Variants in GCN1 observed in about 807,000 individuals in gnomAD.
GCN1 encodes the protein GCN1 activator of EIF2AK4.
GCN1 carries 90 observed loss-of-function variants against 288.4 expected under a neutral mutation model. The observed-to-expected ratio is 0.31, with a 90% CI of 0.26 to 0.37. The LOEUF is 0.37. GCN1 is among the 10% of genes least tolerant of loss of function. The pLI is 1.00. For synonymous variants in GCN1, 1,386 were observed against 1,420.2 expected (o/e 0.98, Z 0.54); for missense variants, 2,586 against 3,419.9 (o/e 0.76, Z 6.08).
chr12:120,155,757 T>C lies in GCN1; in HGVS notation c.3313-38A>G. The C allele has an allele frequency of 6.2e-7, 1 of 1,610,926 alleles. No homozygotes were observed. Among genetic ancestry groups the C allele is most frequent in the Non-Finnish European group, 8.5e-7 (1 of 1,178,096 alleles). The stretch of plus-strand genomic sequence containing the variant: ...GGATTGGACCGTGTGAGGCATCATC[T>C]TTCAGAAGAGCCTCTGACCTGCCTC... On this transcript the variant is annotated intron_variant, in intron 28 of 57. Transcript: ENST00000300648. The surrounding 1 kb of genome is among the most constrained non-coding windows in gnomAD (Gnocchi z 4.9).
rs375233172 is a variant in GCN1, at chr12:120,142,634, C to T, written c.5702G>A (p.Arg1901Gln). The change falls in exon 44 of 58, where the codon CGG (arginine) becomes CAG (glutamine). Residue 1901 changes from arginine to glutamine, a missense_variant. Coordinates refer to ENST00000300648, the MANE Select transcript of GCN1 (RefSeq NM_006836.2). This position sits in a 1 kb window ranked among gnomAD's most constrained non-coding sequence, Gnocchi z 4.9. ...MGRSDTQLVV[R>Q]QASLHVWKIV... ...CTTCCAGACATGCAGGGACGCCTGC[C>T]GCACCACCAGCTGGGTGTCTGAGCG... 7.4e-6 allele frequency: 12 copies of T among 1,613,754 alleles called. No homozygotes were observed. Among genetic ancestry groups the T allele is most frequent in the African/African-American group, 5.3e-5 (4 of 74,932 alleles).
At chr12:120,184,395 T>C in intron 3 of GCN1, 152 bp from the exon 4 acceptor site, 1 of 672,628 alleles carries the variant, frequency 1.5e-6, no homozygotes, top group Non-Finnish European at 2.5e-6. Context: ...AATAACTAGA[T>C]AAACTCACCT....
chr12:120,149,868 G>C, intron 35 of GCN1, 54 bp downstream of exon 35: 1 of 1,609,388 alleles, frequency 6.2e-7, no homozygotes, highest in Non-Finnish European at 8.5e-7. Context: ...ACACAGCTGG[G>C]AACACATCTC....
intron 37 of GCN1, 119 bp downstream of exon 37, chr12:120,148,048 G>A: frequency 7.2e-6 from 5 of 692,876 alleles, no homozygotes. Flanking sequence ...ATTTCACTGT[G>A]AACATATTTG....
intron 45 of GCN1, 99 bp from the exon 46 acceptor site, chr12:120,138,955 C>T: frequency 2.1e-6 from 2 of 940,684 alleles, no homozygotes; most frequent in Non-Finnish European, 3.2e-6. Context: ...CCAGCTAGGC[C>T]ACCCTAACTC....
In GCN1 at chr12:120,144,333, C is replaced by G. The variant is rs1199829026; in HGVS notation, c.5468G>C (p.Gly1823Ala). 1 of 1,614,132 alleles carries G rather than the reference C, an allele frequency of 6.2e-7. No homozygotes were observed. ...GATTCTCCAAAGGTCATCAAAGAGGCCTTGCTCTAGCTGGGGCAGCAGCAG... is the reference window on the plus strand; with the variant it reads ...GATTCTCCAAAGGTCATCAAAGAGGGCTTGCTCTAGCTGGGGCAGCAGCAG... ...IALLLPQLEQ[G>A]LFDDLWRIRF... The change falls in exon 42 of 58, where the codon GGC (glycine) becomes GCC (alanine). Residue 1823 changes from glycine (G) to alanine (A), a missense_variant. This residue lies in a region of GCN1 where 371 missense variants were observed against 572.6 expected (regional missense o/e 0.65). Coordinates refer to ENST00000300648, the MANE Select transcript of GCN1 (RefSeq NM_006836.2). The surrounding 1 kb of genome is among the most constrained non-coding windows in gnomAD (Gnocchi z 4.7).
chr12:120,190,467 G>A (rs1878968951), intron 1 of GCN1, 67 bp from the exon 2 acceptor site: 1 of 869,696 alleles, frequency 1.1e-6, no homozygotes. Flanking sequence ...GTGTGTTGAG[G>A]GGTGGGTGTA....
rs765841710 is a variant in GCN1, at chr12:120,177,529, G to A, written c.756C>T (p.Tyr252=). Residue 252 remains tyrosine, a synonymous_variant, in exon 9 of 58, where the codon TAC becomes TAT. Transcript: ENST00000300648. ...GATCCTTAAATTCTGAGTGGGACAG[G>A]TATCGGAGCAGAGGGGCACAGCTAT... ...LLDSCAPLLR[Y]LSHSEFKDLI... 8.1e-6 allele frequency: 13 copies of A among 1,610,934 alleles called. No homozygotes were observed. Among genetic ancestry groups the A allele is most frequent in the Non-Finnish European group, 1.1e-5 (13 of 1,177,120 alleles).
chr12:120,173,886 C>A lies in GCN1; in HGVS notation c.1193-60G>T. 4.2e-6 allele frequency: 6 copies of A among 1,436,512 alleles called. No individual in the cohort carries two copies. The South Asian group carries it at 7.1e-5, about 17-fold the overall frequency. 89.0% of individuals were successfully genotyped at this position (1,436,512 alleles called of 1,614,324 possible). On this transcript the variant is annotated intron_variant, in intron 13 of 57. Coordinates refer to ENST00000300648, the MANE Select transcript of GCN1 (RefSeq NM_006836.2). ...GTCTTATAACCATGTCAAATCATTG[C>A]AAGCAGTGCAAAAAACAAGCCAGAG...
In GCN1 at chr12:120,138,835, G is replaced by A. The variant is rs1372680483; in HGVS notation, c.6016C>T (p.Leu2006Phe). The A allele has an allele frequency of 6.2e-6, 10 of 1,612,722 alleles. No homozygotes were observed. Among genetic ancestry groups the A allele is most frequent in the Admixed American group, 1.7e-5 (1 of 59,864 alleles). Reference protein sequence around the residue: ...RDAVLYFSESLVPTARKALCD... With the variant: ...RDAVLYFSESFVPTARKALCD... ...AAAGCCTTCCTTGCCGTGGGCACGA[G>A]GGATTCAGAGAAATACAGCACCTGC... The change falls in exon 46 of 58, where the codon CTC becomes TTC. Residue 2006 changes from leucine to phenylalanine, a missense_variant. By Grantham distance (22) the Leu-to-Phe change is conservative. Transcript: ENST00000300648.
chr12:120,173,057 C>CTT (rs963596285), intron 14 of GCN1, among the ~76,000 whole-genome samples: 45 of 130,298 alleles, frequency 3.5e-4, no homozygotes, highest in African/African-American at 1.1e-3. Flanking sequence ...TTAAACCAGT[C>CTT]TTTTTTTTTT....
At chr12:120,169,326 T>G (rs1255585236) in intron 15 of GCN1, among the ~76,000 whole-genome samples, 1 of 117,324 alleles carries the variant, frequency 8.5e-6, no homozygotes, top group Admixed American at 8.5e-5. Context: ...AAGCCTGAAA[T>G]ACGATGTAGC....
intron 2 of GCN1, among the ~76,000 whole-genome samples, chr12:120,189,371 T>A (rs1361104168): frequency 2.4e-5 from 3 of 127,318 alleles, no homozygotes; most frequent in East Asian, 2.3e-4. Flanking sequence ...ACACCCAGGC[T>A]TTTTTTTTTT....
chr12:120,173,927 G>A, intron 13 of GCN1, 101 bp from the exon 14 acceptor site: 1 of 1,102,666 alleles, frequency 9.1e-7, no homozygotes, highest in Non-Finnish European at 1.4e-6. Flanking sequence ...GCGGGAGGAA[G>A]CAGTGATATT....
chr12:120,147,302 G>A, intron 37 of GCN1, 30 bp from the exon 38 acceptor site: 2 of 1,332,630 alleles, frequency 1.5e-6, no homozygotes, highest in Non-Finnish European at 2.1e-6. Context: ...AGAGCTGGAT[G>A]ATATACATCT....
chr12:120,132,763 A>C (rs1046418203), intron 53 of GCN1, among the ~76,000 whole-genome samples: 2 of 152,178 alleles, frequency 1.3e-5, no homozygotes, highest in African/African-American at 2.4e-5. Flanking sequence ...TCCCCAAAAC[A>C]AACCACCAAC....
rs377415298 is a variant in GCN1, at chr12:120,131,953, T to G, written c.7387A>C (p.Ser2463Arg). Residue 2463 changes from serine (S) to arginine (R), a missense_variant, in exon 54 of 58, where the codon AGT (serine) becomes CGT (arginine). Ser to Arg is a moderately radical substitution (Grantham distance 110). Around this residue, in one of 8 missense-constraint regions of GCN1, gnomAD observed 355 missense variants for 431.1 expected, o/e 0.82. Transcript: ENST00000300648. The stretch of plus-strand genomic sequence containing the variant: ...AGCAAGCACTGCTGTAGAACGGCAC[T>G]AAGCTCCTCTTCAGTCAAAAAGGCA... ...LCAFLTEEEL[S>R]AVLQQCLLAD... 8 of 1,605,088 alleles carry G rather than the reference T, an allele frequency of 5.0e-6. No individual in the cohort carries two copies. In the African/African-American group the frequency reaches 1.1e-4, roughly 21 times the overall value.
Position 120,152,621 on chromosome 12 carries a change from A to G in GCN1, c.4062+592T>C, listed in dbSNP as rs1227023308. ...GACACTCTAAGTGGTCCAAAATGCA[A>G]ACCACACACACACGCGCACACACAC... On this transcript the variant is annotated intron_variant, in intron 33 of 57. Coordinates refer to ENST00000300648, the MANE Select transcript of GCN1 (RefSeq NM_006836.2). Among the ~76,000 whole-genome samples, 109 of 132,304 alleles carry G rather than the reference A, an allele frequency of 8.2e-4. 1 individual carries two copies. The highest frequency in any genetic ancestry group is 3.0e-3 in the African/African-American group (103 of 34,356). The allele number at this position is 132,304 out of a possible 152,430, so 86.8% of individuals were successfully genotyped here.
chr12:120,164,900 G>A (rs532733261), intron 16 of GCN1, among the ~76,000 whole-genome samples, 179 bp from the exon 17 acceptor site: 4 of 143,222 alleles, frequency 2.8e-5, no homozygotes, highest in Admixed American at 2.8e-4. Context: ...CATGTATTTT[G>A]GAATCAGTAA....
Sources: gnomAD v4.1 joint callset for allele counts (sites outside exome capture counted in the v4.1 genomes callset) on GRCh38, gnomAD v4.1.1 for gene constraint, gnomAD v4.1.1 regional missense constraint, Gnocchi (gnomAD v3.1) non-coding constraint, MANE v1.5 for transcripts, NCBI Gene and HGNC (gene_info 2026-07-23, HGNC 2026-07-21) for gene names.